The following RAD51B variants were observed in gnomAD, a reference collection of about 807,000 sequenced individuals.
The protein encoded by RAD51B is DNA repair protein RAD51 homolog 2.
In RAD51B, 38 loss-of-function variants were observed where a neutral mutation model predicts 42.2. That is an observed-to-expected ratio of 0.90 (90% CI 0.70 to 1.18). The LOEUF (loss-of-function observed/expected upper bound fraction) is 1.18, where lower values mean the gene tolerates loss of function less well. Ranked by LOEUF, RAD51B falls within the 50% of genes most tolerant of loss-of-function variation. The probability of loss-of-function intolerance (pLI) is 0.00; values close to 1 mark genes in which losing one functional copy is unlikely to be tolerated. For missense variants in RAD51B, 373 were observed against 400.7 expected, an observed-to-expected ratio of 0.93 and a Z score of 0.59; for synonymous variants, 154 against 145.2, an observed-to-expected ratio of 1.06 and a Z score of -0.43.
intron 10 of RAD51B, among the ~76,000 whole-genome samples, chr14:68,511,060 C>T (rs934522220): frequency 5.9e-5 from 9 of 152,182 alleles, no homozygotes; most frequent in African/African-American, 1.9e-4. Flanking sequence ...GTCCCACTCT[C>T]GGTCAGGTGC....
rs1594920378 is a variant in RAD51B at position 68,503,388 on chromosome 14, A to G, written c.1036+35138A>G. Among the ~76,000 whole-genome samples, 5 of 4,082 alleles carry G rather than the reference A, an allele frequency of 1.2e-3. No individual in the cohort carries two copies. In the South Asian group the frequency reaches 0.078, roughly 64 times the overall value. The allele number at this position is 4,082 out of a possible 152,430, so 2.7% of individuals were successfully genotyped here. A position where few individuals can be genotyped will look rare whatever the true frequency, so the allele number is the denominator to read the frequency against. On this transcript the variant is annotated intron_variant, in intron 10 of 10. Transcript: ENST00000487270. ...CCTTTAGGAGTAGACAGAGGGCCTCAGGGAGGAGAAACAGCTGAGGAGGAG... is the reference window on the plus strand; with the variant it reads ...CCTTTAGGAGTAGACAGAGGGCCTCGGGGAGGAGAAACAGCTGAGGAGGAG...
chr14:68,229,896 G>C (rs1447429810), intron 7 of RAD51B, among the ~76,000 whole-genome samples: 3 of 152,206 alleles, frequency 2.0e-5, no homozygotes, highest in Non-Finnish European at 4.4e-5. Flanking sequence ...TTGCCCTCAA[G>C]ACTGCCTCAT....
chr14:68,100,587 C>T lies in RAD51B; in HGVS notation c.757-191297C>T, dbSNP rs779457320. Among the ~76,000 whole-genome samples the T allele has an allele frequency of 2.6e-5, 4 of 152,296 alleles. No homozygotes were observed. The South Asian group carries it at 6.2e-4, about 24-fold the overall frequency. ...GGTAGTACTTGACACCCCTTATTTA[C>T]TGGGTATGGACCCTGTTCTCTCATC... On this transcript the variant is annotated intron_variant, in intron 7 of 10. Transcript: ENST00000471583.
intron 3 of RAD51B, among the ~76,000 whole-genome samples, chr14:67,828,466 A>G (rs1161982899): frequency 6.6e-6 from 1 of 152,088 alleles, no homozygotes; most frequent in East Asian, 1.9e-4. Context: ...TTTGCTATGC[A>G]GAAGCTCTTT....
chr14:68,081,354 C>T (rs938409013), intron 7 of RAD51B, among the ~76,000 whole-genome samples: 1 of 152,102 alleles, frequency 6.6e-6, no homozygotes, highest in Non-Finnish European at 1.5e-5. Context: ...GGACTGTGGT[C>T]CTGGCCCACA....
chr14:68,127,650 CACACAT>C (rs1314348665), intron 7 of RAD51B, among the ~76,000 whole-genome samples: 3,317 of 125,802 alleles, frequency 0.026, 71 homozygotes, highest in African/African-American at 0.091. Context: ...CACACACACA[CACACAT>C]ACACACAGTA....
intron 7 of RAD51B, among the ~76,000 whole-genome samples, chr14:68,110,757 G>A (rs1595411172): frequency 6.6e-6 from 1 of 151,884 alleles, no homozygotes. Context: ...CTTAGCATTG[G>A]TAGAATTTTA....
At chr14:68,350,388 G>A (rs749650067) in intron 8 of RAD51B, among the ~76,000 whole-genome samples, 50 of 152,148 alleles carry the variant, frequency 3.3e-4, no homozygotes, top group Admixed American at 1.5e-3. Context: ...TGCTTACTTG[G>A]TATAGCAGCG....
chr14:68,557,190 A>G (rs1888898811), intron 10 of RAD51B, among the ~76,000 whole-genome samples: 2 of 152,232 alleles, frequency 1.3e-5, no homozygotes, highest in South Asian at 2.1e-4. Flanking sequence ...ATCTCCACTC[A>G]TAATAAGTTT....
At chr14:67,922,641 G>C (rs1038760782) in intron 7 of RAD51B, among the ~76,000 whole-genome samples, 4 of 149,144 alleles carry the variant, frequency 2.7e-5, no homozygotes, top group African/African-American at 9.9e-5. Context: ...CTGAGATTTT[G>C]GTGCACCCAT....
intron 8 of RAD51B, among the ~76,000 whole-genome samples, chr14:68,321,873 C>T (rs992747353): frequency 6.6e-6 from 1 of 152,078 alleles, no homozygotes; most frequent in African/African-American, 2.4e-5. Context: ...ACTTCAGCCT[C>T]CTGAGTAGCT....
intron 7 of RAD51B, among the ~76,000 whole-genome samples, chr14:67,973,288 A>C (rs10147569): frequency 0.097 from 14,773 of 152,054 alleles, 1,982 homozygotes; most frequent in African/African-American, 0.3. Context: ...AGAACAAAAT[A>C]AAATTTACTT....
intron 9 of RAD51B, among the ~76,000 whole-genome samples, chr14:68,458,962 T>C (rs2085773768): frequency 6.6e-6 from 1 of 152,142 alleles, no homozygotes; most frequent in African/African-American, 2.4e-5. Context: ...AAGCTGCTGG[T>C]GTTGAGGCTT....
chr14:68,018,038 G>A (rs1477273274), intron 7 of RAD51B, among the ~76,000 whole-genome samples: 1 of 152,124 alleles, frequency 6.6e-6, no homozygotes, highest in African/African-American at 2.4e-5. Context: ...AAGCTGCTTA[G>A]TAGTTAAGTA....
chr14:68,574,684 G>A (rs536431005), intron 10 of RAD51B, among the ~76,000 whole-genome samples: 173 of 152,350 alleles, frequency 1.1e-3, no homozygotes, highest in Non-Finnish European at 1.8e-3. Context: ...CAACAGCCCC[G>A]TGGTTTCAGA....
downstream of RAD51B, among the ~76,000 whole-genome samples, chr14:68,482,011 A>C (rs1594897418): frequency 1.3e-5 from 2 of 152,348 alleles, no homozygotes; most frequent in South Asian, 2.1e-4. Context: ...AAATGTTCAC[A>C]AGAAAGAAGG....
intron 3 of RAD51B, among the ~76,000 whole-genome samples, chr14:67,829,241 T>C (rs2040942879): frequency 6.7e-6 from 1 of 149,608 alleles, no homozygotes; most frequent in South Asian, 2.2e-4. Context: ...TTTTCTTTTC[T>C]TTCTTTCTTT....
chr14:68,072,237 A>G (rs2076764013), intron 7 of RAD51B, among the ~76,000 whole-genome samples: 1 of 145,498 alleles, frequency 6.9e-6, no homozygotes, highest in East Asian at 2.0e-4. Flanking sequence ...ATAAACTCCT[A>G]TATATATAAT....
chr14:68,371,068 A>AAAAAG (rs2083252071), intron 8 of RAD51B, among the ~76,000 whole-genome samples: 1 of 146,836 alleles, frequency 6.8e-6, no homozygotes, highest in African/African-American at 2.6e-5. Flanking sequence ...AAAAAAGAAA[A>AAAAAG]GAAAATTAAA....
Sources: gnomAD v4.1 joint callset for allele counts (sites outside exome capture counted in the v4.1 genomes callset) on GRCh38, gnomAD v4.1.1 for gene constraint, MANE v1.5 for transcripts, NCBI Gene and HGNC (gene_info 2026-07-23, HGNC 2026-07-21) for gene names.